Variants in CUX1 observed in about 807,000 individuals in gnomAD.
CUX1 encodes the protein cut like homeobox 1.
CUX1 carries 31 observed loss-of-function variants against 158.8 expected under a neutral mutation model. The observed-to-expected ratio is 0.20, with a 90% CI of 0.15 to 0.26. CUX1 has a LOEUF of 0.26. CUX1 is among the 10% of genes least tolerant of loss of function. CUX1 has a pLI of 1.00. For missense variants in CUX1, 1,589 were observed against 2,014.6 expected, an observed-to-expected ratio of 0.79 and a Z score of 4.04; for synonymous variants, 879 against 862.1, an observed-to-expected ratio of 1.02 and a Z score of -0.34.
In CUX1 at chr7:102,201,024, C is replaced by CAAAAA. The variant is rs1795369830; in HGVS notation, c.2063-336_2063-335insAAAAA. Among the ~76,000 whole-genome samples, 1 of 42,828 alleles carries CAAAAA rather than the reference C, an allele frequency of 2.3e-5. No individual in the cohort carries two copies. Among genetic ancestry groups the CAAAAA allele is most frequent in the South Asian group, 9.1e-4 (1 of 1,100 alleles). 28.1% of individuals were successfully genotyped at this position (42,828 alleles called of 152,430 possible). ...CCTGGACAACAGCGAGATCCTGTCG[C>CAAAAA]TAAAAAAAAAAAAAAAAAAAAAAAA... On this transcript the variant is annotated intron_variant, in intron 17 of 23. Coordinates refer to ENST00000292535, the MANE Select transcript of CUX1 (RefSeq NM_181552.4). The surrounding 1 kb of genome is among the most constrained non-coding windows in gnomAD (Gnocchi z 5.0).
At chr7:102,030,427 A>T (rs1338771153) in intron 3 of CUX1, among the ~76,000 whole-genome samples, 2 of 148,836 alleles carry the variant, frequency 1.3e-5, no homozygotes, top group African/African-American at 5.0e-5. Flanking sequence ...TTGCAGAAGC[A>T]GGCACTGTGT....
In CUX1 at chr7:102,250,501, G is replaced by T; in HGVS notation, c.*1459G>T. The T allele has an allele frequency of 1.0e-6, 1 of 985,440 alleles. No homozygotes were observed. The highest frequency in any genetic ancestry group is 1.2e-6 in the Non-Finnish European group (1 of 829,980). The allele number at this position is 985,440 out of a possible 1,614,324, so 61.0% of individuals were successfully genotyped here. ...TTTTCTTCCCACCGCAAGCACTGAT[G>T]ACCCTGTTGAACTCGTGGGAAACTT... is the stretch of plus-strand genomic sequence containing the variant. On this transcript the variant is annotated 3_prime_UTR_variant, in exon 24 of 24. Coordinates refer to ENST00000292535, the MANE Select transcript of CUX1 (RefSeq NM_181552.4).
intron 2 of CUX1, among the ~76,000 whole-genome samples, chr7:101,923,648 C>T (rs1805237518): frequency 6.6e-6 from 1 of 152,214 alleles, no homozygotes; most frequent in Non-Finnish European, 1.5e-5. Flanking sequence ...ATCTCTGGAA[C>T]GTTAATCCCA....
chr7:102,065,949 C>T (rs1364861607), intron 3 of CUX1, among the ~76,000 whole-genome samples: 1 of 152,032 alleles, frequency 6.6e-6, no homozygotes, highest in Non-Finnish European at 1.5e-5. Context: ...TGCCACCATG[C>T]CCAGCTAATT....
intron 21 of CUX1, among the ~76,000 whole-genome samples, chr7:102,228,139 T>TG (rs369352104): frequency 5.3e-5 from 8 of 151,710 alleles, no homozygotes; most frequent in African/African-American, 1.7e-4. Flanking sequence ...TCAGTAGAGG[T>TG]GGGGTTTCAC....
At chr7:102,014,815 C>G (rs1818402126) in intron 2 of CUX1, among the ~76,000 whole-genome samples, 1 of 150,066 alleles carries the variant, frequency 6.7e-6, no homozygotes, top group South Asian at 2.1e-4. Context: ...AAATTATGGG[C>G]TGCATTTTTG....
At chr7:101,844,796 A>C (rs190813883) in intron 1 of CUX1, among the ~76,000 whole-genome samples, 2 of 151,510 alleles carry the variant, frequency 1.3e-5, no homozygotes, top group East Asian at 4.0e-4. Flanking sequence ...TTGTATTTTT[A>C]GTAGAGACAG....
chr7:102,223,306 A>G (rs1192044854), intron 20 of CUX1, among the ~76,000 whole-genome samples: 1 of 152,152 alleles, frequency 6.6e-6, no homozygotes, highest in East Asian at 1.9e-4. Flanking sequence ...AGATAAATGC[A>G]TCATACAGGA....
rs1156368349 is a variant in CUX1, at chr7:101,869,873, CT to C, written c.31-46241del. 1.3e-5 allele frequency among the ~76,000 whole-genome samples: 2 copies of C among 152,138 alleles called. No homozygotes were observed. The highest frequency in any genetic ancestry group is 2.9e-5 in the Non-Finnish European group (2 of 68,018). On this transcript the variant is annotated intron_variant, in intron 1 of 23. Transcript: ENST00000292535. The surrounding 1 kb of genome is among the most constrained non-coding windows in gnomAD (Gnocchi z 4.5). Reference sequence around the variant, plus strand: ...CCTCTTGTTAAGACGCGCTCCGCCCCTGTGTCCTTATTTCCCACCGTGGTGG... The same window carrying C: ...CCTCTTGTTAAGACGCGCTCCGCCCCGTGTCCTTATTTCCCACCGTGGTGG...
chr7:102,112,981 C>T (rs1253997049), intron 7 of CUX1, among the ~76,000 whole-genome samples: 1 of 151,770 alleles, frequency 6.6e-6, no homozygotes, highest in African/African-American at 2.4e-5. Flanking sequence ...ACACAAATGA[C>T]GAGAGTGGGA....
intron 18 of CUX1, chr7:102,279,938 T>C: frequency 1.3e-6 from 1 of 775,962 alleles, no homozygotes; most frequent in East Asian, 2.5e-5. Context: ...CCCACTTCCC[T>C]TTTTTGCAGA....
Position 101,817,728 on chromosome 7 carries a change from T to G in CUX1, c.30+59T>G. 5.2e-6 allele frequency: 8 copies of G among 1,540,366 alleles called. No individual in the cohort carries two copies. Among genetic ancestry groups the G allele is most frequent in the Non-Finnish European group, 7.0e-6 (8 of 1,142,164 alleles). ...GCAGGCGCGGAGGGAACCGGGGATG[T>G]CGGGGGGTGCCCGGGTCCCGCGGCT... On this transcript the variant is annotated intron_variant, in intron 1 of 23. Transcript: ENST00000292535. This position sits in a 1 kb window ranked among gnomAD's most constrained non-coding sequence, Gnocchi z 4.1.
intron 1 of CUX1, among the ~76,000 whole-genome samples, chr7:101,820,344 G>A (rs1370279977): frequency 6.6e-6 from 1 of 152,196 alleles, no homozygotes; most frequent in Non-Finnish European, 1.5e-5. Flanking sequence ...TACAGAGGTA[G>A]GTTAAATTCC....
At chr7:102,092,433 T>C (rs1205898186) in intron 4 of CUX1, among the ~76,000 whole-genome samples, 1 of 152,218 alleles carries the variant, frequency 6.6e-6, no homozygotes, top group African/African-American at 2.4e-5. Flanking sequence ...TGTCCCCTTG[T>C]CTCTAGGACC....
chr7:102,140,663 C>A (rs1834342773), intron 8 of CUX1, among the ~76,000 whole-genome samples: 1 of 151,654 alleles, frequency 6.6e-6, no homozygotes, highest in African/African-American at 2.4e-5. Context: ...AGTTCAAGAC[C>A]AGCCTGGCCA....
At chr7:102,217,087 T>C (rs1165661503) in intron 20 of CUX1, among the ~76,000 whole-genome samples, 37 of 152,188 alleles carry the variant, frequency 2.4e-4, no homozygotes, top group Non-Finnish European at 8.8e-5. Context: ...TTGAAGGTAA[T>C]TTGAAAGCAT....
At chr7:102,172,930 A>T (rs1009133652) in intron 10 of CUX1, among the ~76,000 whole-genome samples, 1 of 152,078 alleles carries the variant, frequency 6.6e-6, no homozygotes, top group Admixed American at 6.6e-5. Flanking sequence ...GCATGGTGGT[A>T]TGTGCCTGTA....
At chr7:101,816,485 TGCGCGC>T (rs1281372604), upstream of CUX1, among the ~76,000 whole-genome samples, 1 of 127,894 alleles carries the variant, frequency 7.8e-6, no homozygotes, top group Non-Finnish European at 1.7e-5. Flanking sequence ...GCCCGCGGGG[TGCGCGC>T]GCGAGCGGGG....
chr7:102,058,337 A>C (rs1824393335), intron 3 of CUX1, among the ~76,000 whole-genome samples: 1 of 152,104 alleles, frequency 6.6e-6, no homozygotes. Context: ...ACAGTGGCAC[A>C]ATCTCGGCTC....
Sources: allele counts gnomAD v4.1 joint callset (sites outside exome capture counted in the v4.1 genomes callset), GRCh38; gene constraint gnomAD v4.1.1; non-coding constraint Gnocchi (gnomAD v3.1); transcripts MANE v1.5; gene names NCBI Gene and HGNC (gene_info 2026-07-23, HGNC 2026-07-21).